Variants in MYO15A observed in about 807,000 individuals in gnomAD.
The protein encoded by MYO15A is myosin XVA.
Under a neutral mutation model 394.6 loss-of-function variants are expected in MYO15A, and 308 were observed. That is an observed-to-expected ratio of 0.78 (90% CI 0.71 to 0.86). The LOEUF is 0.86. Among genes scored for constraint, MYO15A ranks in the 40% least tolerant of loss-of-function variants. The pLI, the probability that MYO15A is intolerant of heterozygous loss-of-function variation, is 0.00. For synonymous variants in MYO15A, 1,957 were observed against 2,003.8 expected, an observed-to-expected ratio of 0.98 and a Z score of 0.62; for missense variants, 4,606 against 4,799.1, an observed-to-expected ratio of 0.96 and a Z score of 1.19.
intron 1 of MYO15A, among the ~76,000 whole-genome samples, chr17:18,115,357 G>A (rs1365845268): frequency 4.6e-5 from 7 of 152,142 alleles, no homozygotes; most frequent in African/African-American, 1.7e-4. Flanking sequence ...GGTGGCTCAC[G>A]GATGTAATCC....
intron 1 of MYO15A, among the ~76,000 whole-genome samples, chr17:18,113,739 CAA>C (rs72282387): frequency 1.7e-4 from 20 of 119,348 alleles, no homozygotes; most frequent in Admixed American, 1.7e-4. Flanking sequence ...GAGACTGTCT[CAA>C]AAAAAAAAAA....
chr17:18,161,427 C>A lies in MYO15A; in HGVS notation c.9497C>A (p.Thr3166Asn). 6.2e-7 allele frequency: 1 copy of A among 1,613,970 alleles called. No individual in the cohort carries two copies. Among genetic ancestry groups the A allele is most frequent in the Non-Finnish European group, 8.5e-7 (1 of 1,180,026 alleles). ...LTRFLQDVSRTPGLPFQGIAK... is the reference protein window; with the variant it reads ...LTRFLQDVSRNPGLPFQGIAK... ...CGCTTCCTCCAAGACGTGAGCCGGA[C>A]CCCAGGCCTGCCCTTTCAGGGTGAG... is the stretch of plus-strand genomic sequence containing the variant. The change falls in exon 57 of 66, where the codon ACC becomes AAC. Residue 3166 changes from threonine to asparagine, a missense_variant. Around this residue, in one of 2 missense-constraint regions of MYO15A, gnomAD observed 2,776 missense variants for 3,109.3 expected, o/e 0.89. Coordinates refer to ENST00000647165, the MANE Select transcript of MYO15A (RefSeq NM_016239.4).
intron 18 of MYO15A, 22 bp from the exon 19 acceptor site, chr17:18,139,512 A>G (rs1394473245): frequency 1.9e-6 from 3 of 1,611,190 alleles, no homozygotes. Context: ...AGGATTACCC[A>G]GGCCATTGTT....
Position 18,148,366 on chromosome 17 carries a change from G to C in MYO15A, c.6692-130G>C, listed in dbSNP as rs1597800503. On this transcript the variant is annotated intron_variant, in intron 31 of 65. Coordinates refer to ENST00000647165, the MANE Select transcript of MYO15A (RefSeq NM_016239.4). The surrounding 1 kb of genome is among the most constrained non-coding windows in gnomAD (Gnocchi z 4.8). Reference sequence around the variant, plus strand: ...AGTCTGTGTGTGGGGGTGGGACCTGGCCCAGGAAAGGGGAGCCAGGGAAGT... The same window carrying C: ...AGTCTGTGTGTGGGGGTGGGACCTGCCCCAGGAAAGGGGAGCCAGGGAAGT... 2 of 1,456,136 alleles carry C rather than the reference G, an allele frequency of 1.4e-6. No individual in the cohort carries two copies. Among genetic ancestry groups the C allele is most frequent in the Non-Finnish European group, 1.9e-6 (2 of 1,067,358 alleles). The allele number at this position is 1,456,136 out of a possible 1,614,324, so 90.2% of individuals were successfully genotyped here.
chr17:18,126,693 G>A lies in MYO15A; in HGVS notation c.3867-98G>A, dbSNP rs1391072236. The A allele has an allele frequency of 7.1e-6, 10 of 1,402,976 alleles. No individual in the cohort carries two copies. The Admixed American group carries it at 1.3e-4, about 19-fold the overall frequency. 86.9% of individuals were successfully genotyped at this position (1,402,976 alleles called of 1,614,324 possible). On this transcript the variant is annotated intron_variant, in intron 5 of 65. Coordinates refer to ENST00000647165, the MANE Select transcript of MYO15A (RefSeq NM_016239.4). ...CCCCAACAGGGTGAGGGGTGGGCAGGATTGGCTGTTTGGCTGGATACGGAT... is the reference window on the plus strand; with the variant it reads ...CCCCAACAGGGTGAGGGGTGGGCAGAATTGGCTGTTTGGCTGGATACGGAT...
At position 18,154,756 on chromosome 17, in the gene MYO15A, G is replaced by T; in HGVS notation, c.8224+1G>T. 1 of 1,613,454 alleles carries T rather than the reference G, an allele frequency of 6.2e-7. No individual in the cohort carries two copies. On this transcript the variant is annotated splice_donor_variant, in intron 45 of 65. Transcript: ENST00000647165. LOFTEE classifies it high-confidence loss of function. ...AGGCTCAGGATGAAGGCCTTGTTTG[G>T]TATCTCGGGGGAGAGGAGGGGTACT...
Position 18,137,673 on chromosome 17 carries a change from G to C in MYO15A, c.4869G>C (p.Glu1623Asp). 6.2e-7 allele frequency: 1 copy of C among 1,614,108 alleles called. No homozygotes were observed. Among genetic ancestry groups the C allele is most frequent in the Non-Finnish European group, 8.5e-7 (1 of 1,180,000 alleles). ...QYLFNKIVFQ[E>D]EQEEYIREQI... is the part of the protein sequence containing the mutation. ...TTTTCAACAAGATCGTCTTCCAGGAGGAGCAGGTGTGTGGGCCCCATTAAT... is the reference window on the plus strand; with the variant it reads ...TTTTCAACAAGATCGTCTTCCAGGACGAGCAGGTGTGTGGGCCCCATTAAT... The change falls in exon 16 of 66, where the codon GAG becomes GAC. Residue 1623 changes from glutamate (E) to aspartate (D), a missense_variant. By Grantham distance (45) the Glu-to-Asp change is conservative (BLOSUM62 2). This residue lies in a region of MYO15A where 2,776 missense variants were observed against 3,109.3 expected (regional missense o/e 0.89). Transcript: ENST00000647165.
intron 65 of MYO15A, chr17:18,176,981 T>C (rs911979125): frequency 6.6e-6 from 1 of 152,266 alleles, no homozygotes; most frequent in African/African-American, 2.4e-5. Context: ...ACATAGTAGA[T>C]GCTCCATACA....
At chr17:18,143,188 A>G (rs1011033807) in intron 25 of MYO15A, among the ~76,000 whole-genome samples, 14 of 152,246 alleles carry the variant, frequency 9.2e-5, no homozygotes, top group African/African-American at 3.4e-4. Context: ...CAAACTAGCC[A>G]CCAGAAAGAC....
rs868696664 is a variant in MYO15A, at chr17:18,150,757, G to A, written c.7387G>A (p.Val2463Met). Residue 2463 changes from valine (V) to methionine (M), a missense_variant, in exon 37 of 66, where the codon GTG becomes ATG. Physicochemically the swap from Val to Met is conservative, Grantham distance 21. Around this residue, in one of 2 missense-constraint regions of MYO15A, gnomAD observed 2,776 missense variants for 3,109.3 expected, o/e 0.89. Coordinates refer to ENST00000647165, the MANE Select transcript of MYO15A (RefSeq NM_016239.4). This position sits in a 1 kb window ranked among gnomAD's most constrained non-coding sequence, Gnocchi z 4.4. ...LQQAFIHKQA[V>M]LLAREMTLQA... ...GCAAGCCTTCATCCACAAACAGGCC[G>A]TGCTGCTGGTGAGTGAGGGAGGGAC... 21 of 1,583,916 alleles carry A rather than the reference G, an allele frequency of 1.3e-5. No homozygotes were observed. Among genetic ancestry groups the A allele is most frequent in the African/African-American group, 6.7e-5 (5 of 74,254 alleles).
rs1187459052 is a variant in MYO15A, at chr17:18,143,563, A to G, written c.5911-3A>G. On this transcript the variant is annotated splice_region_variant and splice_polypyrimidine_tract_variant and intron_variant, in intron 25 of 65. Coordinates refer to ENST00000647165, the MANE Select transcript of MYO15A (RefSeq NM_016239.4). The stretch of plus-strand genomic sequence containing the variant: ...CCCCAACCTGACATCTTCTCTTCTG[A>G]AGCTGAGGGCAGAGTGGAGGTGCCA... The G allele has an allele frequency of 1.3e-6, 2 of 1,555,934 alleles. No homozygotes were observed. Among genetic ancestry groups the G allele is most frequent in the Admixed American group, 1.9e-5 (1 of 51,622 alleles).
intron 7 of MYO15A, among the ~76,000 whole-genome samples, chr17:18,130,158 C>T (rs940303537): frequency 6.6e-6 from 1 of 152,158 alleles, no homozygotes; most frequent in Admixed American, 6.5e-5. Context: ...AAATTACAGG[C>T]GTGAGCCACC....
intron 45 of MYO15A, 63 bp downstream of exon 45, chr17:18,154,818 C>G: frequency 6.4e-7 from 1 of 1,554,392 alleles, no homozygotes. Context: ...CCAGCCCTGT[C>G]CCAGAGGGAG....
rs1262132783 is a variant in MYO15A at position 18,153,714 on chromosome 17, TATTA to T, written c.7967-55_7967-52del. ...ACTCCGTCTCAAAAATATATATATA[TATTA>T]ATTAAATAAAAAAACGAGGTGCCTT... On this transcript the variant is annotated intron_variant, in intron 42 of 65. Transcript: ENST00000647165. This position sits in a 1 kb window ranked among gnomAD's most constrained non-coding sequence, Gnocchi z 4.1. The T allele has an allele frequency of 1.3e-6, 2 of 1,492,630 alleles. No individual in the cohort carries two copies. The highest frequency in any genetic ancestry group is 1.8e-6 in the Non-Finnish European group (2 of 1,114,106). 92.5% of individuals were successfully genotyped at this position (1,492,630 alleles called of 1,614,324 possible).
Position 18,150,706 on chromosome 17 carries a change from C to T in MYO15A, c.7336C>T (p.Leu2446=), listed in dbSNP as rs1481748745. 1.3e-6 allele frequency: 2 copies of T among 1,589,610 alleles called. No individual in the cohort carries two copies. The highest frequency in any genetic ancestry group is 1.3e-5 in the African/African-American group (1 of 74,420). The part of the protein sequence containing the change: ...RPPEPKPIPG[L]DASTLALQQA... ...CTGCCCCCTCCCCTCAGTCCCAGGC[C>T]TGGATGCCTCCACATTGGCTCTGCA... Residue 2446 remains leucine (L), a synonymous_variant, in exon 37 of 66, where the codon CTG becomes TTG. Coordinates refer to ENST00000647165, the MANE Select transcript of MYO15A (RefSeq NM_016239.4). This position sits in a 1 kb window ranked among gnomAD's most constrained non-coding sequence, Gnocchi z 4.4.
intron 19 of MYO15A, among the ~76,000 whole-genome samples, 171 bp downstream of exon 19, chr17:18,139,782 G>T (rs951703377): frequency 3.3e-5 from 5 of 152,224 alleles, no homozygotes; most frequent in Admixed American, 3.3e-4. Flanking sequence ...TTCCCACCTA[G>T]CTTGGCTCCG....
intron 7 of MYO15A, among the ~76,000 whole-genome samples, chr17:18,130,009 A>G (rs2046123813): frequency 6.6e-6 from 1 of 152,030 alleles, no homozygotes; most frequent in African/African-American, 2.4e-5. Context: ...CCTCCCAAGT[A>G]GCTGGGACTA....
At position 18,159,545 on chromosome 17, in the gene MYO15A, C is replaced by T. The variant is rs2046743390; in HGVS notation, c.9230-61C>T. On this transcript the variant is annotated intron_variant, in intron 54 of 65. Transcript: ENST00000647165. ...AGGGAGGGGCTCAGCCCTGGGGCTTCCTGGGGTGGGTGGGCAACTGGGGGT... is the reference window on the plus strand; with the variant it reads ...AGGGAGGGGCTCAGCCCTGGGGCTTTCTGGGGTGGGTGGGCAACTGGGGGT... 19 of 1,592,776 alleles carry T rather than the reference C, an allele frequency of 1.2e-5. No individual in the cohort carries two copies. In the South Asian group the frequency reaches 1.7e-4, roughly 14 times the overall value.
At chr17:18,166,245 C>A in intron 60 of MYO15A, 116 bp from the exon 61 acceptor site, 1 of 1,384,012 alleles carries the variant, frequency 7.2e-7, no homozygotes, top group African/African-American at 1.4e-5. Flanking sequence ...GGTGGCTTGT[C>A]CGAGGTGATA....
Sources: gnomAD v4.1 joint callset for allele counts (sites outside exome capture counted in the v4.1 genomes callset) on GRCh38, gnomAD v4.1.1 for gene constraint, gnomAD v4.1.1 regional missense constraint, Gnocchi (gnomAD v3.1) non-coding constraint, MANE v1.5 for transcripts, NCBI Gene and HGNC (gene_info 2026-07-23, HGNC 2026-07-21) for gene names.